MEGF11: variants seen among roughly 807,000 people sequenced by gnomAD.
The protein encoded by MEGF11 is multiple EGF like domains 11.
In MEGF11, 126 loss-of-function variants were observed where a neutral mutation model predicts 146.6. That is an observed-to-expected ratio of 0.86 (90% CI 0.74 to 1.00). The LOEUF is 1.00. Among genes scored for constraint, MEGF11 ranks in the 50% least tolerant of loss-of-function variants. The probability of loss-of-function intolerance (pLI) is 0.00; values close to 1 mark genes in which losing one functional copy is unlikely to be tolerated. For missense variants in MEGF11, 1,509 were observed against 1,521.2 expected (o/e 0.99, Z 0.13); for synonymous variants, 532 against 583.4 (o/e 0.91, Z 1.27).
chr15:66,112,569 G>A (rs1446363137), intron 4 of MEGF11, among the ~76,000 whole-genome samples: 1 of 152,188 alleles, frequency 6.6e-6, no homozygotes. Flanking sequence ...TTTTGAAGAG[G>A]TGTGGTTGGC....
chr15:66,233,771 A>G (rs1225484468), intron 1 of MEGF11, among the ~76,000 whole-genome samples: 1 of 152,012 alleles, frequency 6.6e-6, no homozygotes, highest in East Asian at 1.9e-4. Context: ...CCCTTTCATC[A>G]TGCTAGTGAC....
At chr15:66,196,484 T>C (rs62009927) in intron 1 of MEGF11, among the ~76,000 whole-genome samples, 1 of 151,682 alleles carries the variant, frequency 6.6e-6, no homozygotes, top group Non-Finnish European at 1.5e-5. Flanking sequence ...AAAAAAAAGT[T>C]GGTGGTGGTG....
chr15:65,955,999 C>A (rs2080619294), intron 10 of MEGF11, among the ~76,000 whole-genome samples: 1 of 151,656 alleles, frequency 6.6e-6, no homozygotes, highest in Non-Finnish European at 1.5e-5. Context: ...CCAGGGGCAA[C>A]CTGGCTTTAA....
Position 65,946,042 on chromosome 15 carries a change from A to T in MEGF11, c.1287+11505T>A, listed in dbSNP as rs2080179487. Among the ~76,000 whole-genome samples the T allele has an allele frequency of 2.6e-5, 4 of 152,220 alleles. No individual in the cohort carries two copies. The South Asian group carries it at 8.3e-4, about 32-fold the overall frequency. ...TCTTCTTCCAAGGGTAGTGGTGAAG[A>T]TGAAATAAGTTAATATATGTAATGT... On this transcript the variant is annotated intron_variant, in intron 10 of 25. Coordinates refer to ENST00000395614, the MANE Select transcript of MEGF11 (RefSeq NM_001385028.1).
chr15:65,916,047 G>T, intron 18 of MEGF11, 101 bp downstream of exon 18: 1 of 1,397,860 alleles, frequency 7.2e-7, no homozygotes, highest in Non-Finnish European at 9.5e-7. Context: ...GGACCAAGGG[G>T]TACAGAGCCC....
rs978986118 is a variant in MEGF11 at position 65,920,599 on chromosome 15, T to A, written c.1957+1739A>T. On this transcript the variant is annotated intron_variant, in intron 15 of 25. Coordinates refer to ENST00000395614, the MANE Select transcript of MEGF11 (RefSeq NM_001385028.1). ...ATGATCAATCTAATCCATTAATTGGTCGACTTCTTAGCTGAATCAAGAGTA... is the reference window on the plus strand; with the variant it reads ...ATGATCAATCTAATCCATTAATTGGACGACTTCTTAGCTGAATCAAGAGTA... Among the ~76,000 whole-genome samples, 4 of 152,334 alleles carry A rather than the reference T, an allele frequency of 2.6e-5. No individual in the cohort carries two copies. In the South Asian group the frequency reaches 6.2e-4, roughly 24 times the overall value.
Position 65,965,087 on chromosome 15 carries a change from G to C in MEGF11, c.933C>G (p.Gly311=). The change falls in exon 9 of 26, where the codon GGC becomes GGG. Residue 311 remains glycine, a synonymous_variant. Transcript: ENST00000395614. The part of the protein sequence containing the change: ...CQEECPFGSF[G]FQCSQHCDCH... ...AGTCACAGTGCTGTGAGCACTGGAAGCCGAAGGACCCGAAGGGGCACTCCT... is the reference window on the plus strand; with the variant it reads ...AGTCACAGTGCTGTGAGCACTGGAACCCGAAGGACCCGAAGGGGCACTCCT... The C allele has an allele frequency of 6.3e-7, 1 of 1,597,276 alleles. No individual in the cohort carries two copies. Among genetic ancestry groups the C allele is most frequent in the Non-Finnish European group, 8.5e-7 (1 of 1,170,664 alleles).
chr15:65,959,237 C>T (rs2080771093), intron 9 of MEGF11, among the ~76,000 whole-genome samples: 1 of 152,196 alleles, frequency 6.6e-6, no homozygotes, highest in Admixed American at 6.5e-5. Flanking sequence ...CCCTGGCACA[C>T]TGGAGGTGCT....
intron 11 of MEGF11, 108 bp downstream of exon 11, chr15:65,930,715 G>A: frequency 2.9e-6 from 4 of 1,370,754 alleles, no homozygotes; most frequent in East Asian, 5.1e-5. Flanking sequence ...GACCTTGCAT[G>A]TGGGGGCGGG....
intron 3 of MEGF11, among the ~76,000 whole-genome samples, chr15:66,122,667 C>T (rs1056434408): frequency 1.3e-5 from 2 of 152,250 alleles, no homozygotes; most frequent in African/African-American, 2.4e-5. Flanking sequence ...TGGCTAATAT[C>T]TCACACTTTC....
chr15:66,072,880 C>T (rs2085425293), intron 5 of MEGF11, among the ~76,000 whole-genome samples: 1 of 152,224 alleles, frequency 6.6e-6, no homozygotes, highest in Non-Finnish European at 1.5e-5. Flanking sequence ...CTGCAAGGCC[C>T]CGGTCTCTGC....
chr15:66,142,612 G>C (rs2089210375), intron 1 of MEGF11, among the ~76,000 whole-genome samples: 1 of 152,240 alleles, frequency 6.6e-6, no homozygotes, highest in Non-Finnish European at 1.5e-5. Flanking sequence ...GAGGCCCTGT[G>C]AGGGGACAGC....
chr15:65,903,457 G>T (rs565722282), intron 24 of MEGF11, among the ~76,000 whole-genome samples: 1 of 152,304 alleles, frequency 6.6e-6, no homozygotes, highest in South Asian at 2.1e-4. Context: ...CAGGGGAAAG[G>T]GCAGGCATTG....
In MEGF11 at chr15:66,035,387, A is replaced by G. The variant is rs569166220; in HGVS notation, c.395-52899T>C. Among the ~76,000 whole-genome samples the G allele has an allele frequency of 2.2e-4, 33 of 152,294 alleles. No individual in the cohort carries two copies. The South Asian group carries it at 6.8e-3, about 32-fold the overall frequency. On this transcript the variant is annotated intron_variant, in intron 5 of 25. Coordinates refer to ENST00000395614, the MANE Select transcript of MEGF11 (RefSeq NM_001385028.1). Reference sequence around the variant, plus strand: ...TGCACAATGTGGCCTCACCTTGTACATTCAACCTTTATTTCCCCAAAGTGA... The same window carrying G: ...TGCACAATGTGGCCTCACCTTGTACGTTCAACCTTTATTTCCCCAAAGTGA...
intron 1 of MEGF11, among the ~76,000 whole-genome samples, chr15:66,251,103 G>A (rs188678143): frequency 6.6e-6 from 1 of 152,296 alleles, no homozygotes; most frequent in East Asian, 1.9e-4. Flanking sequence ...CTGGGGCCAG[G>A]TTCTGAGCTT....
At chr15:66,008,747 C>A (rs776896559) in intron 5 of MEGF11, among the ~76,000 whole-genome samples, 23 of 151,786 alleles carry the variant, frequency 1.5e-4, no homozygotes, top group Non-Finnish European at 3.2e-4. Flanking sequence ...CTGTCTGAGC[C>A]CAGGAGTTCA....
rs2079025733 is a variant in MEGF11 at position 65,917,103 on chromosome 15, T to C, written c.2087-147A>G. ...GGCTTTCAGGGGCTTCATGCACTGTTCCCAGAATTCCTGCACTTACTTCTT... is the reference window on the plus strand; with the variant it reads ...GGCTTTCAGGGGCTTCATGCACTGTCCCCAGAATTCCTGCACTTACTTCTT... On this transcript the variant is annotated intron_variant, in intron 16 of 25. Transcript: ENST00000395614. 7 of 850,206 alleles carry C rather than the reference T, an allele frequency of 8.2e-6. No homozygotes were observed. The South Asian group carries it at 1.5e-4, about 18-fold the overall frequency. The allele number at this position is 850,206 out of a possible 1,614,324, so 52.7% of individuals were successfully genotyped here.
At chr15:65,944,380 G>T (rs1022369668) in intron 10 of MEGF11, among the ~76,000 whole-genome samples, 2 of 152,228 alleles carry the variant, frequency 1.3e-5, no homozygotes, top group African/African-American at 4.8e-5. Context: ...TGTGGCTGAG[G>T]GGGATGGAGA....
At chr15:66,040,526 T>TA (rs59651556) in intron 5 of MEGF11, among the ~76,000 whole-genome samples, 39,843 of 151,882 alleles carry the variant, frequency 0.26, 6,579 homozygotes, top group East Asian at 0.63. Flanking sequence ...ACGTTCTCTG[T>TA]CCTTCAGGTA....
Sources: gnomAD v4.1 joint callset for allele counts (sites outside exome capture counted in the v4.1 genomes callset) on GRCh38, gnomAD v4.1.1 for gene constraint, MANE v1.5 for transcripts, NCBI Gene and HGNC (gene_info 2026-07-23, HGNC 2026-07-21) for gene names.